The following TJP1 variants were observed in gnomAD, a reference collection of about 807,000 sequenced individuals.
TJP1 encodes tight junction protein 1.
Under a neutral mutation model 194.2 loss-of-function variants are expected in TJP1, and 43 were observed. The ratio of observed to expected loss-of-function variants is 0.22; its 90% CI spans 0.17 to 0.29. The LOEUF is 0.29. Among genes scored for constraint, TJP1 ranks in the 10% least tolerant of loss-of-function variants. The pLI is 1.00. For missense variants in TJP1, 1,971 were observed against 2,185.7 expected (o/e 0.90, Z 1.96); for synonymous variants, 801 against 779.0 (o/e 1.03, Z -0.47).
intron 16 of TJP1, 34 bp from the exon 17 acceptor site, chr15:29,727,025 C>A (rs1280076626): frequency 6.3e-7 from 1 of 1,580,324 alleles, no homozygotes; most frequent in African/African-American, 1.3e-5. Flanking sequence ...TACAAAGACA[C>A]AAGACATCAT....
At chr15:29,753,833 A>AAAAAAC (rs1566959480) in intron 8 of TJP1, among the ~76,000 whole-genome samples, 3 of 152,062 alleles carry the variant, frequency 2.0e-5, no homozygotes, top group African/African-American at 7.2e-5. Context: ...AAAAAAAAAA[A>AAAAAAC]AAAAACAAAG....
chr15:29,924,861 G>C (rs1006674049), intron 2 of TJP1, among the ~76,000 whole-genome samples: 1 of 152,224 alleles, frequency 6.6e-6, no homozygotes, highest in East Asian at 1.9e-4. Flanking sequence ...AATGCTGGTA[G>C]GGGCTAGGCC....
chr15:29,932,460 G>A (rs1336656482), intron 2 of TJP1, among the ~76,000 whole-genome samples: 1 of 151,908 alleles, frequency 6.6e-6, no homozygotes. Flanking sequence ...TCTACTTCTT[G>A]CCACATCCAA....
intron 22 of TJP1, among the ~76,000 whole-genome samples, chr15:29,717,486 C>T (rs956661646): frequency 2.0e-5 from 3 of 151,442 alleles, no homozygotes; most frequent in African/African-American, 7.3e-5. Context: ...GGCTGAGGAG[C>T]AGCAGGCCAG....
At chr15:29,910,792 G>A (rs928123190) in intron 2 of TJP1, among the ~76,000 whole-genome samples, 1 of 152,162 alleles carries the variant, frequency 6.6e-6, no homozygotes, top group Admixed American at 6.6e-5. Flanking sequence ...CAAGCACAGA[G>A]AAGTCCCAAC....
chr15:29,890,661 G>T (rs1291989005), intron 2 of TJP1, among the ~76,000 whole-genome samples: 2 of 152,118 alleles, frequency 1.3e-5, no homozygotes, highest in African/African-American at 4.8e-5. Flanking sequence ...AAGGAATAGA[G>T]TCCGCTCAAT....
chr15:29,724,180 G>C (rs2043102067), intron 18 of TJP1, among the ~76,000 whole-genome samples: 1 of 152,146 alleles, frequency 6.6e-6, no homozygotes, highest in African/African-American at 2.4e-5. Flanking sequence ...CTCTGACCTT[G>C]AGCACTGCCT....
chr15:29,801,622 C>T (rs1009595133), intron 1 of TJP1, among the ~76,000 whole-genome samples: 8 of 151,170 alleles, frequency 5.3e-5, no homozygotes, highest in African/African-American at 1.2e-4. Context: ...CCACTACGCC[C>T]GGCTAATTTT....
chr15:29,864,483 AC>A (rs2052229943), intron 2 of TJP1, among the ~76,000 whole-genome samples: 1 of 152,050 alleles, frequency 6.6e-6, no homozygotes, highest in South Asian at 2.1e-4. Flanking sequence ...AAAGTTCCTA[AC>A]CCATGGCAGG....
chr15:29,846,626 C>G (rs2051420509), intron 2 of TJP1, among the ~76,000 whole-genome samples: 3 of 152,018 alleles, frequency 2.0e-5, no homozygotes, highest in Non-Finnish European at 2.9e-5. Context: ...CATATCAGCC[C>G]TACAAAAGAA....
At chr15:29,800,600 A>G (rs1483069479) in intron 2 of TJP1, 46 bp downstream of exon 2, 14 of 1,589,436 alleles carry the variant, frequency 8.8e-6, no homozygotes, top group Middle Eastern at 3.3e-4. Flanking sequence ...CAAAGCTGCC[A>G]GTATCCTGAG....
At chr15:29,846,698 G>T (rs1465222390) in intron 2 of TJP1, among the ~76,000 whole-genome samples, 1 of 152,078 alleles carries the variant, frequency 6.6e-6, no homozygotes, top group Non-Finnish European at 1.5e-5. Flanking sequence ...GGCCGAGGCG[G>T]GCGGATCACG....
intron 1 of TJP1, among the ~76,000 whole-genome samples, chr15:29,966,652 C>T (rs7181417): frequency 0.043 from 3,265 of 76,068 alleles, 103 homozygotes; most frequent in African/African-American, 0.15. Context: ...ACATTTGTAC[C>T]AGACATCCGT....
In TJP1 at chr15:29,800,628, A is replaced by T; in HGVS notation, c.84+18T>A. The T allele has an allele frequency of 6.2e-7, 1 of 1,613,314 alleles. No homozygotes were observed. Among genetic ancestry groups the T allele is most frequent in the Non-Finnish European group, 8.5e-7 (1 of 1,179,434 alleles). On this transcript the variant is annotated intron_variant, in intron 2 of 27. Coordinates refer to ENST00000614355, the MANE Select transcript of TJP1 (RefSeq NM_001330239.4). ...ATCCTGAGTTATACACAGATTACTT[A>T]CTGCAACACAAACTTACCCTGTGAA...
Position 29,708,887 on chromosome 15 carries a change from C to T in TJP1, c.4522G>A (p.Ala1508Thr), listed in dbSNP as rs202094113. 3.1e-5 allele frequency: 50 copies of T among 1,614,008 alleles called. No individual in the cohort carries two copies. The Admixed American group carries it at 5.7e-4, about 18-fold the overall frequency. Residue 1508 changes from alanine to threonine, a missense_variant, in exon 25 of 28, where the codon GCC (alanine) becomes ACC (threonine). Around this residue, in one of 5 missense-constraint regions of TJP1, gnomAD observed 1,108 missense variants for 1,128.5 expected, o/e 0.98. Coordinates refer to ENST00000614355, the MANE Select transcript of TJP1 (RefSeq NM_001330239.4). The stretch of plus-strand genomic sequence containing the variant: ...GTCTGTTCAGTTCCATTAACTGGGG[C>T]TTTATCTGGAAAACTTTTCTGGGGA... ...FYPQKSFPDK[A>T]PVNGTEQTQK...
intron 2 of TJP1, among the ~76,000 whole-genome samples, chr15:29,880,100 C>T (rs2052870752): frequency 1.3e-5 from 2 of 150,934 alleles, no homozygotes; most frequent in Admixed American, 1.3e-4. Context: ...CTTTCCTCTC[C>T]ACTACATCTT....
intron 2 of TJP1, among the ~76,000 whole-genome samples, chr15:29,949,556 ACCACCTCCACTT>A (rs2055510924): frequency 1.7e-5 from 2 of 115,572 alleles, no homozygotes; most frequent in Non-Finnish European, 1.8e-5. Flanking sequence ...CTCCACAACC[ACCACCTCCACTT>A]CCACAACCAC....
intron 25 of TJP1, among the ~76,000 whole-genome samples, chr15:29,708,109 T>C (rs565457270): frequency 3.3e-5 from 5 of 151,654 alleles, no homozygotes; most frequent in South Asian, 4.2e-4. Flanking sequence ...GGCAGGAGAA[T>C]TGCCTGAACC....
At chr15:29,735,642 C>T (rs1236401307) in intron 11 of TJP1, among the ~76,000 whole-genome samples, 1 of 149,942 alleles carries the variant, frequency 6.7e-6, no homozygotes, top group East Asian at 2.0e-4. Context: ...GCCCTGATTA[C>T]TTCAAAACAG....
Sources: gnomAD v4.1 joint callset for allele counts (sites outside exome capture counted in the v4.1 genomes callset) on GRCh38, gnomAD v4.1.1 for gene constraint, gnomAD v4.1.1 regional missense constraint, MANE v1.5 for transcripts, NCBI Gene and HGNC (gene_info 2026-07-23, HGNC 2026-07-21) for gene names.